KRTAP11-1: variants seen among roughly 807,000 people sequenced by gnomAD.
KRTAP11-1 encodes keratin associated protein 11-1.
In KRTAP11-1, 17 loss-of-function variants were observed where a neutral mutation model predicts 13.9. The observed-to-expected ratio is 1.23, with a 90% CI of 0.84 to 1.84. KRTAP11-1 has a LOEUF of 1.84. KRTAP11-1 is among the 40% of genes most tolerant of loss of function. The probability of loss-of-function intolerance (pLI) is 0.00; values close to 1 mark genes in which losing one functional copy is unlikely to be tolerated. For missense variants in KRTAP11-1, 181 were observed against 200.9 expected, an observed-to-expected ratio of 0.90 and a Z score of 0.60; for synonymous variants, 69 against 81.6, an observed-to-expected ratio of 0.85 and a Z score of 0.84.
In KRTAP11-1 at chr21:30,881,220, C is replaced by G. The variant is rs199869279; in HGVS notation, c.305G>C (p.Arg102Pro). The stretch of plus-strand genomic sequence containing the variant: ...TCCACTAGAGACAAAGGTGAGCGGC[C>G]GGCTGTAGGTAGTTGAGCAGGGGTT... The part of the protein sequence containing the change: ...ISNPCSTTYS[R>P]PLTFVSSGCQ... Residue 102 changes from arginine to proline, a missense_variant, in exon 1 of 1, where the codon CGG becomes CCG. Physicochemically the swap from Arg to Pro is moderately radical, Grantham distance 103. Transcript: ENST00000332378. The G allele has an allele frequency of 6.2e-7, 1 of 1,614,062 alleles. No homozygotes were observed. The highest frequency in any genetic ancestry group is 1.7e-5 in the Admixed American group (1 of 60,018).
Position 30,880,756 on chromosome 21 carries a change from T to A in KRTAP11-1, c.*277A>T, listed in dbSNP as rs1313432616. ...GATACAGCAGCAAGGTGAAAACATG[T>A]CAAAAGCATCAGAGACTGGGGTGTG... On this transcript the variant is annotated 3_prime_UTR_variant, in exon 1 of 1. Transcript: ENST00000332378. 3.5e-5 allele frequency: 15 copies of A among 426,578 alleles called. No homozygotes were observed. The highest frequency in any genetic ancestry group is 5.9e-5 in the Non-Finnish European group (14 of 239,276). 26.4% of individuals were successfully genotyped at this position (426,578 alleles called of 1,614,324 possible). A position where few individuals can be genotyped will look rare whatever the true frequency, so the allele number is the denominator to read the frequency against.
In KRTAP11-1 at chr21:30,881,216, C is replaced by A; in HGVS notation, c.309G>T (p.Pro103=). 6.2e-7 allele frequency: 1 copy of A among 1,614,074 alleles called. No homozygotes were observed. Among genetic ancestry groups the A allele is most frequent in the Non-Finnish European group, 8.5e-7 (1 of 1,180,006 alleles). Residue 103 remains proline, a synonymous_variant, in exon 1 of 1, where the codon CCG becomes CCT. Coordinates refer to ENST00000332378, the MANE Select transcript of KRTAP11-1 (RefSeq NM_175858.3). ...GACATCCACTAGAGACAAAGGTGAG[C>A]GGCCGGCTGTAGGTAGTTGAGCAGG... The part of the protein sequence containing the change: ...SNPCSTTYSR[P]LTFVSSGCQP...
chr21:30,881,291 G>A lies in KRTAP11-1; in HGVS notation c.234C>T (p.Ser78=). 3 of 1,614,162 alleles carry A rather than the reference G, an allele frequency of 1.9e-6. No homozygotes were observed. The highest frequency in any genetic ancestry group is 2.5e-6 in the Non-Finnish European group (3 of 1,180,022). The change falls in exon 1 of 1, where the codon TCC becomes TCT. Residue 78 remains serine (S), a synonymous_variant. Transcript: ENST00000332378. ...GAGAGCAAGTCACCTGGCAAGGGTT[G>A]GAGACACATGAAGTTCGCCGGTAAC... The part of the protein sequence containing the change: ...PTCYRRTSCV[S]NPCQVTCSRQ...
At position 30,880,860 on chromosome 21, in the gene KRTAP11-1, A is replaced by G; in HGVS notation, c.*173T>C. The G allele has an allele frequency of 1.2e-6, 1 of 819,212 alleles. No homozygotes were observed. The highest frequency in any genetic ancestry group is 2.5e-5 in the East Asian group (1 of 39,328). 50.7% of individuals were successfully genotyped at this position (819,212 alleles called of 1,614,324 possible). A position where few individuals can be genotyped will look rare whatever the true frequency, so the allele number is the denominator to read the frequency against. ...CCTTAAAACAAGCTTAGGGCTGGCC[A>G]GAAAAATTTTAGAGTGCTAAAGACA... On this transcript the variant is annotated 3_prime_UTR_variant, in exon 1 of 1. Transcript: ENST00000332378.
At position 30,880,990 on chromosome 21, in the gene KRTAP11-1, G is replaced by T. The variant is rs1445406725; in HGVS notation, c.*43C>A. 6.4e-7 allele frequency: 1 copy of T among 1,571,646 alleles called. No homozygotes were observed. ...ATGCTGGAAGATCCTGGAAACAGCTGGCAGGTCGTGGAGTCTTGATTCGCT... is the reference window on the plus strand; with the variant it reads ...ATGCTGGAAGATCCTGGAAACAGCTTGCAGGTCGTGGAGTCTTGATTCGCT... On this transcript the variant is annotated 3_prime_UTR_variant, in exon 1 of 1. Transcript: ENST00000332378.
In KRTAP11-1 at chr21:30,880,799, A is replaced by G. The variant is rs1347937577; in HGVS notation, c.*234T>C. The G allele has an allele frequency of 3.7e-6, 2 of 544,580 alleles. No individual in the cohort carries two copies. Among genetic ancestry groups the G allele is most frequent in the Non-Finnish European group, 6.5e-6 (2 of 307,268 alleles). The allele number at this position is 544,580 out of a possible 1,614,324, so 33.7% of individuals were successfully genotyped here. The stretch of plus-strand genomic sequence containing the variant: ...GGGGTGTGGATGGTAAAGCTTCTGG[A>G]CACATCCAGAGGCATACACAGCACC... On this transcript the variant is annotated 3_prime_UTR_variant, in exon 1 of 1. Transcript: ENST00000332378.
In KRTAP11-1 at chr21:30,881,072, A is replaced by G. The variant is rs752524014; in HGVS notation, c.453T>C (p.Tyr151=). The G allele has an allele frequency of 6.2e-7, 1 of 1,614,080 alleles. No homozygotes were observed. Among genetic ancestry groups the G allele is most frequent in the East Asian group, 2.2e-5 (1 of 44,866 alleles). The change falls in exon 1 of 1, where the codon TAT becomes TAC. Residue 151 remains tyrosine, a synonymous_variant. Coordinates refer to ENST00000332378, the MANE Select transcript of KRTAP11-1 (RefSeq NM_175858.3). ...CQPACGVSRT[Y]QQSCVSSCRR... The stretch of plus-strand genomic sequence containing the variant: ...GGCAGCTGGACACGCAGGACTGCTG[A>G]TACGTCCTGGAGACCCCACAGGCTG...
In KRTAP11-1 at chr21:30,881,052, C is replaced by CT; in HGVS notation, c.472dup (p.Ser158LysfsTer10). 2 of 1,612,730 alleles carry CT rather than the reference C, an allele frequency of 1.2e-6. No individual in the cohort carries two copies. ...ACACACTTAGCAGGTTCTTCGGCAGCTGGACACGCAGGACTGCTGATACGT... is the reference window on the plus strand; with the variant it reads ...ACACACTTAGCAGGTTCTTCGGCAGCTTGGACACGCAGGACTGCTGATACGT... On this transcript the variant is annotated frameshift_variant, in exon 1 of 1. Coordinates refer to ENST00000332378, the MANE Select transcript of KRTAP11-1 (RefSeq NM_175858.3). LOFTEE classifies it high-confidence loss of function.
At position 30,880,852 on chromosome 21, in the gene KRTAP11-1, G is replaced by A. The variant is rs1025992095; in HGVS notation, c.*181C>T. 2 of 728,744 alleles carry A rather than the reference G, an allele frequency of 2.7e-6. No individual in the cohort carries two copies. The highest frequency in any genetic ancestry group is 5.3e-5 in the East Asian group (2 of 38,032). The allele number at this position is 728,744 out of a possible 1,614,324, so 45.1% of individuals were successfully genotyped here. The stretch of plus-strand genomic sequence containing the variant: ...TGAGCAACCCTTAAAACAAGCTTAG[G>A]GCTGGCCAGAAAAATTTTAGAGTGC... On this transcript the variant is annotated 3_prime_UTR_variant, in exon 1 of 1. Transcript: ENST00000332378.
chr21:30,881,149 C>T lies in KRTAP11-1; in HGVS notation c.376G>A (p.Gly126Ser), dbSNP rs201039908. ...ACTGGTTGGCAGACAGTAGAGATGC[C>T]GCCCACTGGTTGGCAGACACTGGAG... is the stretch of plus-strand genomic sequence containing the variant. The part of the protein sequence containing the change: ...GISSVCQPVG[G>S]ISTVCQPVGG... The change falls in exon 1 of 1, where the codon GGC (glycine) becomes AGC (serine). Residue 126 changes from glycine to serine, a missense_variant. Gly to Ser is a moderately conservative substitution (Grantham distance 56). Coordinates refer to ENST00000332378, the MANE Select transcript of KRTAP11-1 (RefSeq NM_175858.3). 9.6e-5 allele frequency: 155 copies of T among 1,613,968 alleles called. 3 individuals are homozygous for T. Among genetic ancestry groups the T allele is most frequent in the South Asian group, 4.6e-4 (42 of 91,070 alleles).
chr21:30,881,343 C>T lies in KRTAP11-1; in HGVS notation c.182G>A (p.Cys61Tyr). The T allele has an allele frequency of 1.2e-6, 2 of 1,614,134 alleles. No homozygotes were observed. The highest frequency in any genetic ancestry group is 1.1e-5 in the South Asian group (1 of 91,084). Reference sequence around the variant, plus strand: ...GGTTGGCTGGCAAGCAGTGGGCTCACAGCAGGTCTCTTGACAGTGGTCCAG... The same window carrying T: ...GGTTGGCTGGCAAGCAGTGGGCTCATAGCAGGTCTCTTGACAGTGGTCCAG... ...WLLDHCQETC[C>Y]EPTACQPTCY... Residue 61 changes from cysteine (C) to tyrosine (Y), a missense_variant, in exon 1 of 1, where the codon TGT (cysteine) becomes TAT (tyrosine). Transcript: ENST00000332378.
chr21:30,881,072 A>T lies in KRTAP11-1; in HGVS notation c.453T>A (p.Tyr151Ter), dbSNP rs752524014. 2.5e-6 allele frequency: 4 copies of T among 1,613,964 alleles called. No homozygotes were observed. The African/African-American group carries it at 5.3e-5, about 22-fold the overall frequency. Residue 151 changes from tyrosine to a stop codon, truncating the protein, a stop_gained, in exon 1 of 1, where the codon TAT becomes TAA. Transcript: ENST00000332378. LOFTEE classifies it high-confidence loss of function. The part of the protein sequence containing the change: ...CQPACGVSRT[Y>*]QQSCVSSCRR... ...GGCAGCTGGACACGCAGGACTGCTG[A>T]TACGTCCTGGAGACCCCACAGGCTG...
chr21:30,881,520 G>C lies in KRTAP11-1; in HGVS notation c.5C>G (p.Ser2Cys). Residue 2 changes from serine to cysteine, a missense_variant, in exon 1 of 1, where the codon TCC becomes TGC. Physicochemically the swap from Ser to Cys is moderately radical, Grantham distance 112. Transcript: ENST00000332378. ...GCAATTTCTTGTGGAGCAGTTGAAG[G>C]ACATGATGTCAGACAGAGGGCTGCA... M[S>C]FNCSTRNCSS... 6.2e-7 allele frequency: 1 copy of C among 1,605,754 alleles called. No individual in the cohort carries two copies. The highest frequency in any genetic ancestry group is 8.5e-7 in the Non-Finnish European group (1 of 1,176,212).
chr21:30,880,899 T>C lies in KRTAP11-1; in HGVS notation c.*134A>G. ...GTGCTAAAGACAGCGTGTGCATGGA[T>C]AGTAGCCAGCAGTCAGGCGGTCACA... On this transcript the variant is annotated 3_prime_UTR_variant, in exon 1 of 1. Transcript: ENST00000332378. 1 of 1,188,136 alleles carries C rather than the reference T, an allele frequency of 8.4e-7. No homozygotes were observed. The highest frequency in any genetic ancestry group is 1.5e-5 in the South Asian group (1 of 67,948). The allele number at this position is 1,188,136 out of a possible 1,614,324, so 73.6% of individuals were successfully genotyped here. A position where few individuals can be genotyped will look rare whatever the true frequency, so the allele number is the denominator to read the frequency against.
At position 30,881,243 on chromosome 21, in the gene KRTAP11-1, G is replaced by A. The variant is rs758065754; in HGVS notation, c.282C>T (p.Asn94=). The A allele has an allele frequency of 5.6e-6, 9 of 1,614,192 alleles. No homozygotes were observed. In the Admixed American group the frequency reaches 1.0e-4, roughly 18 times the overall value. Residue 94 remains asparagine, a synonymous_variant, in exon 1 of 1, where the codon AAC becomes AAT. Coordinates refer to ENST00000332378, the MANE Select transcript of KRTAP11-1 (RefSeq NM_175858.3). ...GCCGGCTGTAGGTAGTTGAGCAGGG[G>A]TTGGAAATACAGGTAGTTTGTCGAG... ...TCSRQTTCIS[N]PCSTTYSRPL...
Position 30,881,452 on chromosome 21 carries a change from G to A in KRTAP11-1, c.73C>T (p.Gln25Ter). Residue 25 changes from glutamine (Q) to a stop codon, truncating the protein, a stop_gained, in exon 1 of 1, where the codon CAA becomes TAA. Transcript: ENST00000332378. LOFTEE classifies it high-confidence loss of function. ...IGGRCIVPVA[Q>*]VTTTSTTDAD... ...TCAGTGGTGGAAGTCGTGGTAACTT[G>A]GGCCACTGGAACAATGCAGCGTCCT... 1 of 1,614,084 alleles carries A rather than the reference G, an allele frequency of 6.2e-7. No individual in the cohort carries two copies. Among genetic ancestry groups the A allele is most frequent in the Non-Finnish European group, 8.5e-7 (1 of 1,180,008 alleles).
chr21:30,880,719 C>A lies in KRTAP11-1; in HGVS notation c.*314G>T. On this transcript the variant is annotated 3_prime_UTR_variant, in exon 1 of 1. Coordinates refer to ENST00000332378, the MANE Select transcript of KRTAP11-1 (RefSeq NM_175858.3). Reference sequence around the variant, plus strand: ...GCTCTGTTTTTGTGAGACACAAAAGCAGAGGCCAGGAGATACAGCAGCAAG... The same window carrying A: ...GCTCTGTTTTTGTGAGACACAAAAGAAGAGGCCAGGAGATACAGCAGCAAG... 1 of 320,286 alleles carries A rather than the reference C, an allele frequency of 3.1e-6. No individual in the cohort carries two copies. The highest frequency in any genetic ancestry group is 5.8e-6 in the Non-Finnish European group (1 of 173,432). 19.8% of individuals were successfully genotyped at this position (320,286 alleles called of 1,614,324 possible).
Position 30,881,014 on chromosome 21 carries a change from C to A in KRTAP11-1, c.*19G>T. On this transcript the variant is annotated 3_prime_UTR_variant, in exon 1 of 1. Coordinates refer to ENST00000332378, the MANE Select transcript of KRTAP11-1 (RefSeq NM_175858.3). ...TGGCAGGTCGTGGAGTCTTGATTCG[C>A]TCACTGGCTCCTACACACTTAGCAG... is the stretch of plus-strand genomic sequence containing the variant. The A allele has an allele frequency of 6.3e-7, 1 of 1,596,872 alleles. No homozygotes were observed. The highest frequency in any genetic ancestry group is 8.6e-7 in the Non-Finnish European group (1 of 1,169,470).
rs1986207007 is a variant in KRTAP11-1, at chr21:30,881,293, A to T, written c.232T>A (p.Ser78Thr). ...PTCYRRTSCV[S>T]NPCQVTCSRQ... Reference sequence around the variant, plus strand: ...GAGCAAGTCACCTGGCAAGGGTTGGAGACACATGAAGTTCGCCGGTAACAG... The same window carrying T: ...GAGCAAGTCACCTGGCAAGGGTTGGTGACACATGAAGTTCGCCGGTAACAG... Residue 78 changes from serine (S) to threonine (T), a missense_variant, in exon 1 of 1, where the codon TCC (serine) becomes ACC (threonine). Coordinates refer to ENST00000332378, the MANE Select transcript of KRTAP11-1 (RefSeq NM_175858.3). 6.2e-7 allele frequency: 1 copy of T among 1,614,152 alleles called. No homozygotes were observed. Among genetic ancestry groups the T allele is most frequent in the South Asian group, 1.1e-5 (1 of 91,082 alleles).
Sources: gnomAD v4.1 joint callset for allele counts on GRCh38, gnomAD v4.1.1 for gene constraint, MANE v1.5 for transcripts, NCBI Gene and HGNC (gene_info 2026-07-23, HGNC 2026-07-21) for gene names.